HS6ST3: variants seen among roughly 807,000 people sequenced by gnomAD.
HS6ST3 encodes heparan-sulfate 6-O-sulfotransferase 3.
Under a neutral mutation model 36.7 loss-of-function variants are expected in HS6ST3, and 12 were observed. That is an observed-to-expected ratio of 0.33 (90% CI 0.21 to 0.53). The LOEUF is 0.53. HS6ST3 is among the 20% of genes least tolerant of loss of function. HS6ST3 has a pLI of 0.95. For missense variants in HS6ST3, 584 were observed against 640.9 expected, an observed-to-expected ratio of 0.91 and a Z score of 0.96; for synonymous variants, 240 against 257.5, an observed-to-expected ratio of 0.93 and a Z score of 0.65.
At position 96,790,011 on chromosome 13, in the gene HS6ST3, G is replaced by A. The variant is rs1455974899; in HGVS notation, c.708-42479G>A. Among the ~76,000 whole-genome samples, 6 of 151,704 alleles carry A rather than the reference G, an allele frequency of 4.0e-5. No homozygotes were observed. The East Asian group carries it at 9.7e-4, about 24-fold the overall frequency. On this transcript the variant is annotated intron_variant, in intron 1 of 1. Coordinates refer to ENST00000376705, the MANE Select transcript of HS6ST3 (RefSeq NM_153456.4). ...TCTTCAAGTAATTTTTCTGCACCAA[G>A]CTTTTTCCTTTCATTTTGGGATTCT... is the stretch of plus-strand genomic sequence containing the variant.
chr13:96,329,515 G>T (rs144277361), intron 1 of HS6ST3, among the ~76,000 whole-genome samples: 1 of 148,020 alleles, frequency 6.8e-6, no homozygotes, highest in Non-Finnish European at 1.5e-5. Flanking sequence ...TTAATCCTAA[G>T]TTCTAGTTTG....
chr13:96,668,837 T>TA (rs1463873688), intron 1 of HS6ST3, among the ~76,000 whole-genome samples: 1 of 151,112 alleles, frequency 6.6e-6, no homozygotes, highest in Non-Finnish European at 1.5e-5. Flanking sequence ...ACATTAGTCT[T>TA]ACATTTACCC....
Position 96,241,141 on chromosome 13 carries a change from G to GTT in HS6ST3, c.707+149581_707+149582dup, listed in dbSNP as rs11369957. ...TCTTTTTGCAAATCAGGTCCTTTCT[G>GTT]TTTTTTTTTTCTTTTCCATAAAATG... On this transcript the variant is annotated intron_variant, in intron 1 of 1. Transcript: ENST00000376705. Among the ~76,000 whole-genome samples the GTT allele has an allele frequency of 2.1e-3, 310 of 149,188 alleles. 1 individual carries two copies. Among genetic ancestry groups the GTT allele is most frequent in the Admixed American group, 9.9e-4 (15 of 15,082 alleles).
intron 1 of HS6ST3, among the ~76,000 whole-genome samples, chr13:96,515,958 A>T (rs1395759344): frequency 6.6e-6 from 1 of 152,108 alleles, no homozygotes; most frequent in Non-Finnish European, 1.5e-5. Context: ...CTCCTACTGA[A>T]ATTCTGTGCA....
intron 1 of HS6ST3, among the ~76,000 whole-genome samples, chr13:96,459,852 G>A (rs947476122): frequency 3.9e-5 from 6 of 152,138 alleles, no homozygotes; most frequent in African/African-American, 9.7e-5. Flanking sequence ...AATTAGCTGG[G>A]TACGGTGTGT....
chr13:96,726,082 C>G (rs1236004395), intron 1 of HS6ST3, among the ~76,000 whole-genome samples: 1 of 152,138 alleles, frequency 6.6e-6, no homozygotes, highest in Non-Finnish European at 1.5e-5. Context: ...ACGATCCACC[C>G]TCCTCGGCCT....
At chr13:96,164,476 G>A (rs1212879140) in intron 1 of HS6ST3, among the ~76,000 whole-genome samples, 1 of 151,562 alleles carries the variant, frequency 6.6e-6, no homozygotes, top group South Asian at 2.1e-4. Flanking sequence ...AGTATTGCTT[G>A]AGCCCAGGAG....
intron 1 of HS6ST3, among the ~76,000 whole-genome samples, chr13:96,366,954 C>G (rs2139438549): frequency 6.6e-6 from 1 of 152,332 alleles, no homozygotes; most frequent in South Asian, 2.1e-4. Context: ...TAAGATGTGC[C>G]TTTGTCCCTC....
intron 1 of HS6ST3, among the ~76,000 whole-genome samples, chr13:96,753,231 C>T (rs2138493908): frequency 6.6e-6 from 1 of 152,238 alleles, no homozygotes; most frequent in South Asian, 2.1e-4. Flanking sequence ...TTTTTATATA[C>T]ATTTTAGAAT....
At chr13:96,337,318 G>T (rs113184339) in intron 1 of HS6ST3, among the ~76,000 whole-genome samples, 18 of 152,094 alleles carry the variant, frequency 1.2e-4, no homozygotes, top group African/African-American at 4.1e-4. Flanking sequence ...CTCGTGATCC[G>T]CCTGTCTCGG....
rs139166344 is a variant in HS6ST3 at position 96,430,472 on chromosome 13, G to A, written c.707+338903G>A. ...TGGGCACTGTCTGGCCCTCCATTCC[G>A]CTTCAGAGAGCTGACCTCGAGCTCT... On this transcript the variant is annotated intron_variant, in intron 1 of 1. Coordinates refer to ENST00000376705, the MANE Select transcript of HS6ST3 (RefSeq NM_153456.4). Among the ~76,000 whole-genome samples the A allele has an allele frequency of 2.0e-3, 300 of 152,210 alleles. 1 individual carries two copies. The highest frequency in any genetic ancestry group is 3.4e-3 in the Middle Eastern group (1 of 294).
intron 1 of HS6ST3, among the ~76,000 whole-genome samples, chr13:96,423,029 A>G (rs1402605184): frequency 2.0e-5 from 3 of 152,148 alleles, no homozygotes; most frequent in African/African-American, 4.8e-5. Context: ...AAAATCATCA[A>G]TGGGGAATAG....
At chr13:96,814,096 A>G (rs1436579891) in intron 1 of HS6ST3, among the ~76,000 whole-genome samples, 1 of 152,120 alleles carries the variant, frequency 6.6e-6, no homozygotes, top group Non-Finnish European at 1.5e-5. Context: ...AAAATATCTG[A>G]ATTGTCATCC....
At chr13:96,410,142 C>T (rs950129021) in intron 1 of HS6ST3, among the ~76,000 whole-genome samples, 30 of 152,114 alleles carry the variant, frequency 2.0e-4, no homozygotes, top group Admixed American at 3.3e-4. Flanking sequence ...CAAATATTTA[C>T]AGCTTCCATA....
At chr13:96,816,515 T>TAG (rs1306808768) in intron 1 of HS6ST3, among the ~76,000 whole-genome samples, 1 of 152,178 alleles carries the variant, frequency 6.6e-6, no homozygotes, top group Admixed American at 6.5e-5. Flanking sequence ...AGGGATTTGT[T>TAG]TAACAACAGT....
At chr13:96,572,260 TCA>T (rs1270583433) in intron 1 of HS6ST3, among the ~76,000 whole-genome samples, 1 of 152,192 alleles carries the variant, frequency 6.6e-6, no homozygotes, top group Non-Finnish European at 1.5e-5. Context: ...ATTATTACTA[TCA>T]TTATCACTGC....
chr13:96,375,883 G>T (rs1016812491), intron 1 of HS6ST3, among the ~76,000 whole-genome samples: 1 of 152,154 alleles, frequency 6.6e-6, no homozygotes, highest in Non-Finnish European at 1.5e-5. Context: ...GCTTCTCTCT[G>T]TGTATAAATT....
At chr13:96,259,282 C>T (rs1242027895) in intron 1 of HS6ST3, among the ~76,000 whole-genome samples, 1 of 151,974 alleles carries the variant, frequency 6.6e-6, no homozygotes, top group African/African-American at 2.4e-5. Context: ...TGATAAGGCA[C>T]CTAAACCTTA....
At chr13:96,543,398 C>A (rs999907597) in intron 1 of HS6ST3, among the ~76,000 whole-genome samples, 7 of 152,160 alleles carry the variant, frequency 4.6e-5, no homozygotes, top group African/African-American at 1.7e-4. Flanking sequence ...AGTCAGAAGA[C>A]ACATTGAGAA....
Sources: allele counts gnomAD v4.1 joint callset (sites outside exome capture counted in the v4.1 genomes callset), GRCh38; gene constraint gnomAD v4.1.1; transcripts MANE v1.5; gene names NCBI Gene and HGNC (gene_info 2026-07-23, HGNC 2026-07-21).